CLMN: variants seen among roughly 807,000 people sequenced by gnomAD.
CLMN encodes calmin (calponin-like, transmembrane).
Under a neutral mutation model 92.7 loss-of-function variants are expected in CLMN, and 57 were observed. The observed-to-expected ratio is 0.61, with a 90% CI of 0.50 to 0.77. CLMN has a LOEUF of 0.77. Among genes scored for constraint, CLMN ranks in the 30% least tolerant of loss-of-function variants. CLMN has a pLI of 0.00. For missense variants in CLMN, 1,158 were observed against 1,237.5 expected (o/e 0.94, Z 0.96); for synonymous variants, 466 against 470.6 (o/e 0.99, Z 0.13).
Position 95,204,239 on chromosome 14 carries a change from A to G in CLMN, c.1110T>C (p.His370=), listed in dbSNP as rs1181027459. 2 of 1,614,082 alleles carry G rather than the reference A, an allele frequency of 1.2e-6. No individual in the cohort carries two copies. The highest frequency in any genetic ancestry group is 1.7e-5 in the Admixed American group (1 of 60,010). The change falls in exon 9 of 13, where the codon CAT becomes CAC. Residue 370 remains histidine, a synonymous_variant. Transcript: ENST00000298912. ...ACTCGGTGGAGCTGTCTGACAGCGC[A>G]TGGCTGGAAACACCATCCAGGCGGA... ...KEFRLDGVSS[H]ALSDSSTEFM...
At chr14:95,282,226 T>C (rs1900168358) in intron 1 of CLMN, among the ~76,000 whole-genome samples, 1 of 152,204 alleles carries the variant, frequency 6.6e-6, no homozygotes, top group African/African-American at 2.4e-5. Context: ...ATGCCAGATC[T>C]TGAACAATTC....
chr14:95,233,377 A>G (rs1324132708), intron 1 of CLMN, among the ~76,000 whole-genome samples: 9 of 151,864 alleles, frequency 5.9e-5, no homozygotes, highest in Non-Finnish European at 1.3e-4. Context: ...CCAGCCATCC[A>G]TCTATCCAAC....
rs895228781 is a variant in CLMN, at chr14:95,196,815, C to T, written c.2512-121G>A. The T allele has an allele frequency of 1.0e-5, 9 of 866,472 alleles. No homozygotes were observed. In the African/African-American group the frequency reaches 1.5e-4, roughly 15 times the overall value. 53.7% of individuals were successfully genotyped at this position (866,472 alleles called of 1,614,324 possible). A position where few individuals can be genotyped will look rare whatever the true frequency, so the allele number is the denominator to read the frequency against. ...GGCGTCCCTTCCAATTCTGCCTGTT[C>T]CCTGATCCTCTTCATGAATCCCCTG... is the stretch of plus-strand genomic sequence containing the variant. On this transcript the variant is annotated intron_variant, in intron 9 of 12. Coordinates refer to ENST00000298912, the MANE Select transcript of CLMN (RefSeq NM_024734.4).
intron 10 of CLMN, among the ~76,000 whole-genome samples, chr14:95,195,014 A>G (rs1010223746): frequency 6.6e-6 from 1 of 152,210 alleles, no homozygotes; most frequent in African/African-American, 2.4e-5. Flanking sequence ...TCCAAAATGT[A>G]CAAGTGGGAA....
intron 1 of CLMN, among the ~76,000 whole-genome samples, chr14:95,234,121 A>G (rs1897974861): frequency 6.6e-6 from 1 of 152,174 alleles, no homozygotes; most frequent in Non-Finnish European, 1.5e-5. Flanking sequence ...CCTTGGGCAC[A>G]CTTGCAATTT....
In CLMN at chr14:95,203,250, A is replaced by G. The variant is rs753963854; in HGVS notation, c.2099T>C (p.Leu700Pro). ...CAGGCCTTCTTCGCTGTGACTCCCA[A>G]GGGTCTCCAAGCTGACACAGCTGCT... is the stretch of plus-strand genomic sequence containing the variant. ...PPSSCVSLET[L>P]GSHSEEGLDF... Residue 700 changes from leucine to proline, a missense_variant, in exon 9 of 13, where the codon CTT becomes CCT. By Grantham distance (98) the Leu-to-Pro change is moderately conservative. Coordinates refer to ENST00000298912, the MANE Select transcript of CLMN (RefSeq NM_024734.4). 3.9e-5 allele frequency: 63 copies of G among 1,613,836 alleles called. No individual in the cohort carries two copies. The Admixed American group carries it at 9.7e-4, about 25-fold the overall frequency.
intron 1 of CLMN, among the ~76,000 whole-genome samples, chr14:95,255,116 A>T (rs1898942571): frequency 6.6e-6 from 1 of 152,202 alleles, no homozygotes; most frequent in Admixed American, 6.5e-5. Context: ...GAGAGGGATG[A>T]CCATGAGAGG....
chr14:95,196,398 A>G, intron 10 of CLMN, 100 bp downstream of exon 10: 1 of 1,200,162 alleles, frequency 8.3e-7, no homozygotes, highest in Non-Finnish European at 1.2e-6. Flanking sequence ...TTGCTGTCCA[A>G]TCCCATGCCT....
rs138213315 is a variant in CLMN, at chr14:95,226,910, G to T, written c.145-3055C>A. On this transcript the variant is annotated intron_variant, in intron 2 of 12. Transcript: ENST00000298912. Reference sequence around the variant, plus strand: ...CGATTCTTAATAAGCTTCCACCCCGGCATGAATTTCCTGTTTACCTTTTTG... The same window carrying T: ...CGATTCTTAATAAGCTTCCACCCCGTCATGAATTTCCTGTTTACCTTTTTG... Among the ~76,000 whole-genome samples, 421 of 152,232 alleles carry T rather than the reference G, an allele frequency of 2.8e-3. 2 individuals are homozygous for T. Among genetic ancestry groups the T allele is most frequent in the African/African-American group, 9.7e-3 (402 of 41,544 alleles).
intron 1 of CLMN, among the ~76,000 whole-genome samples, chr14:95,267,299 G>A (rs1899510549): frequency 6.6e-6 from 1 of 152,080 alleles, no homozygotes; most frequent in Non-Finnish European, 1.5e-5. Context: ...TTAATAACAA[G>A]AATATGCAAA....
At chr14:95,281,656 A>G (rs1595091680) in intron 1 of CLMN, among the ~76,000 whole-genome samples, 1 of 152,220 alleles carries the variant, frequency 6.6e-6, no homozygotes, top group Non-Finnish European at 1.5e-5. Flanking sequence ...TAACAACTCC[A>G]TATCAGCTTG....
chr14:95,299,384 A>G (rs1900945154), intron 1 of CLMN, among the ~76,000 whole-genome samples: 1 of 152,180 alleles, frequency 6.6e-6, no homozygotes, highest in South Asian at 2.1e-4. Flanking sequence ...ACTGTCCAAG[A>G]GCCAGGTCTC....
chr14:95,261,336 C>T (rs1477632409), intron 1 of CLMN, among the ~76,000 whole-genome samples: 5 of 152,230 alleles, frequency 3.3e-5, no homozygotes, highest in African/African-American at 1.2e-4. Context: ...GACTTTATGC[C>T]GCTTTGCGCA....
rs753441860 is a variant in CLMN, at chr14:95,191,623, G to A, written c.2950C>T (p.Leu984=). 1 of 1,613,822 alleles carries A rather than the reference G, an allele frequency of 6.2e-7. No homozygotes were observed. Among genetic ancestry groups the A allele is most frequent in the Admixed American group, 1.7e-5 (1 of 60,014 alleles). ...QPDMMYFILF[L]WLLVYCLLLF... ...AGCAAGCAGTACACCAGGAGCCACA[G>A]GAAGAGAATAAAATACATCATATCC... is the stretch of plus-strand genomic sequence containing the variant. Residue 984 remains leucine (L), a synonymous_variant, in exon 13 of 13, where the codon CTG becomes TTG. Transcript: ENST00000298912. This position sits in a 1 kb window ranked among gnomAD's most constrained non-coding sequence, Gnocchi z 5.3.
In CLMN at chr14:95,186,800, A is replaced by ATCC. The variant is rs1000385762; in HGVS notation, c.*4761_*4763dup. On this transcript the variant is annotated 3_prime_UTR_variant, in exon 13 of 13. Coordinates refer to ENST00000298912, the MANE Select transcript of CLMN (RefSeq NM_024734.4). The stretch of plus-strand genomic sequence containing the variant: ...GGTCTTGAATTCCTGGCCTCAAGCG[A>ATCC]TCCTCCTGCCTTGGCCTCCCAAAGG... 1 of 152,314 alleles carries ATCC rather than the reference A, an allele frequency of 6.6e-6. No individual in the cohort carries two copies. Among genetic ancestry groups the ATCC allele is most frequent in the African/African-American group, 2.4e-5 (1 of 41,428 alleles). The allele number at this position is 152,314 out of a possible 1,614,324, so 9.4% of individuals were successfully genotyped here. A position where few individuals can be genotyped will look rare whatever the true frequency, so the allele number is the denominator to read the frequency against.
At chr14:95,246,210 T>C (rs1898564849) in intron 1 of CLMN, among the ~76,000 whole-genome samples, 1 of 152,140 alleles carries the variant, frequency 6.6e-6, no homozygotes, top group East Asian at 1.9e-4. Context: ...TATTATACTT[T>C]GAGACAATGT....
chr14:95,210,639 C>T (rs772602168), intron 7 of CLMN, 47 bp downstream of exon 7: 2 of 1,575,352 alleles, frequency 1.3e-6, no homozygotes, highest in Admixed American at 1.9e-5. Context: ...GCAAGTGGTA[C>T]ATTTGTAAAA....
chr14:95,194,482 A>G lies in CLMN; in HGVS notation c.2769+54T>C, dbSNP rs112367598. The G allele has an allele frequency of 1.5e-3, 2,369 of 1,613,556 alleles. 32 individuals carry two copies. In the African/African-American group the frequency reaches 0.026, roughly 18 times the overall value. Reference sequence around the variant, plus strand: ...CTGGGCTGGGGAGGAGGAAGGATGGAAAGGAATTGATTAGCAGGGGCCGTG... The same window carrying G: ...CTGGGCTGGGGAGGAGGAAGGATGGGAAGGAATTGATTAGCAGGGGCCGTG... On this transcript the variant is annotated intron_variant, in intron 11 of 12. Coordinates refer to ENST00000298912, the MANE Select transcript of CLMN (RefSeq NM_024734.4). This position sits in a 1 kb window ranked among gnomAD's most constrained non-coding sequence, Gnocchi z 4.0.
At chr14:95,252,867 G>T (rs767432011) in intron 1 of CLMN, among the ~76,000 whole-genome samples, 5 of 152,154 alleles carry the variant, frequency 3.3e-5, no homozygotes, top group African/African-American at 4.8e-5. Flanking sequence ...GAGGACACAT[G>T]GGGAGCTTTG....
Sources: allele counts gnomAD v4.1 joint callset (sites outside exome capture counted in the v4.1 genomes callset), GRCh38; gene constraint gnomAD v4.1.1; non-coding constraint Gnocchi (gnomAD v3.1); transcripts MANE v1.5; gene names NCBI Gene and HGNC (gene_info 2026-07-23, HGNC 2026-07-21).